RAB33A: variants seen among roughly 807,000 people sequenced by gnomAD.
RAB33A encodes ras-related protein Rab-33A.
Under a neutral mutation model 12.0 loss-of-function variants are expected in RAB33A, and 6 were observed. That is an observed-to-expected ratio of 0.50 (90% CI 0.27 to 0.99). The LOEUF (loss-of-function observed/expected upper bound fraction) is 0.99, where lower values mean the gene tolerates loss of function less well. RAB33A is among the 50% of genes least tolerant of loss of function. The pLI is 0.11. For missense variants in RAB33A, 109 were observed against 192.0 expected, an observed-to-expected ratio of 0.57 and a Z score of 2.55; for synonymous variants, 70 against 82.4, an observed-to-expected ratio of 0.85 and a Z score of 0.81.
chrX:130,173,661 G>T (rs1230395409), intron 1 of RAB33A, among the ~76,000 whole-genome samples: 1 of 111,918 alleles, frequency 8.9e-6, no homozygotes, highest in Non-Finnish European at 1.9e-5. Flanking sequence ...TTGAAATCGT[G>T]ATCTTTTTTG....
intron 1 of RAB33A, among the ~76,000 whole-genome samples, chrX:130,181,816 G>A (rs1202240014): frequency 4.6e-5 from 5 of 109,766 alleles, no homozygotes; most frequent in Admixed American, 2.0e-4. Flanking sequence ...GCATGGTGGC[G>A]CACGACTGTA....
At chrX:130,181,850 A>T (rs1156466157) in intron 1 of RAB33A, among the ~76,000 whole-genome samples, 1 of 110,052 alleles carries the variant, frequency 9.1e-6, no homozygotes, top group African/African-American at 3.3e-5. Context: ...AGAAGGCTGA[A>T]GTGGTAGAAT....
chrX:130,122,486 C>T, the RAB33A span, among the ~76,000 whole-genome samples: 1 of 112,595 alleles, frequency 8.9e-6, no homozygotes. Flanking sequence ...TTGCAAGCTT[C>T]CTGACTTGCT....
the RAB33A span, chrX:130,149,480 G>T: frequency 8.3e-7 from 1 of 1,207,146 alleles, no homozygotes; most frequent in African/African-American, 1.7e-5. Flanking sequence ...AGATAACGCG[G>T]CCTTTTTCTG....
At chrX:130,158,184 A>T in the RAB33A span, among the ~76,000 whole-genome samples, 3 of 110,999 alleles carry the variant, frequency 2.7e-5, no homozygotes, top group African/African-American at 9.8e-5. Context: ...GAATAGCTTG[A>T]ACCCAGGAGG....
At chrX:130,152,396 G>A in the RAB33A span, among the ~76,000 whole-genome samples, 1 of 111,442 alleles carries the variant, frequency 9.0e-6, no homozygotes, top group Non-Finnish European at 1.9e-5. Context: ...TCCCCCAAGG[G>A]TTTCTGTACT....
chrX:130,172,254 G>A lies in RAB33A; in HGVS notation c.192G>A (p.Lys64=), dbSNP rs1387135652. ...FRFCGGTFPD[K]TEATIGVDFR... ...TCTGCGGGGGTACCTTCCCAGACAA[G>A]ACTGAAGCCACCATCGGCGTGGACT... The change falls in exon 1 of 2, where the codon AAG becomes AAA. Residue 64 remains lysine (K), a synonymous_variant. Coordinates refer to ENST00000257017, the MANE Select transcript of RAB33A (RefSeq NM_004794.3). 8.2e-7 allele frequency: 1 copy of A among 1,212,217 alleles called. No homozygotes were observed. The highest frequency in any genetic ancestry group is 1.1e-6 in the Non-Finnish European group (1 of 895,549).
At chrX:130,140,977 G>C in the RAB33A span, among the ~76,000 whole-genome samples, 1 of 112,057 alleles carries the variant, frequency 8.9e-6, no homozygotes, top group Non-Finnish European at 1.9e-5. Flanking sequence ...TTGGCCAGGT[G>C]TGGCGGCATA....
At chrX:130,118,137 C>T in the RAB33A span, among the ~76,000 whole-genome samples, 1 of 112,337 alleles carries the variant, frequency 8.9e-6, no homozygotes, top group Non-Finnish European at 1.9e-5. Flanking sequence ...GTGAATGCCA[C>T]TGCCCGGAAG....
At chrX:130,166,090 G>T in the RAB33A span, among the ~76,000 whole-genome samples, 2 of 111,935 alleles carry the variant, frequency 1.8e-5, no homozygotes, top group African/African-American at 6.5e-5. Context: ...TTGGTGACGA[G>T]AACTGATAAC....
the RAB33A span, among the ~76,000 whole-genome samples, chrX:130,143,720 G>A: frequency 9.1e-6 from 1 of 110,220 alleles, no homozygotes; most frequent in Non-Finnish European, 1.9e-5. Flanking sequence ...AGCCAGGCAT[G>A]GTGGCGCATG....
chrX:130,117,017 T>C, the RAB33A span, among the ~76,000 whole-genome samples: 1 of 111,775 alleles, frequency 8.9e-6, no homozygotes, highest in South Asian at 3.7e-4. Context: ...ATCGAGACCA[T>C]CCTGGCTAAC....
At chrX:130,180,749 C>A (rs201466844) in intron 1 of RAB33A, among the ~76,000 whole-genome samples, 2 of 13 alleles carry the variant, frequency 0.15, no homozygotes, top group East Asian at 0.5. Flanking sequence ...AGCCACTGCG[C>A]CCTGGCCTCC....
chrX:130,115,870 T>G, the RAB33A span, among the ~76,000 whole-genome samples: 2 of 111,145 alleles, frequency 1.8e-5, no homozygotes, highest in Non-Finnish European at 3.8e-5. Flanking sequence ...ATAAAGCCAG[T>G]ACTCATTCTT....
At chrX:130,133,432 G>A in the RAB33A span, 1,526 of 1,206,988 alleles carry the variant, frequency 1.3e-3, 2 homozygotes, top group Non-Finnish European at 1.6e-3. Context: ...ACTTTATATC[G>A]TAGAAGCATG....
chrX:130,121,104 C>T, the RAB33A span, among the ~76,000 whole-genome samples: 2 of 112,539 alleles, frequency 1.8e-5, no homozygotes, highest in African/African-American at 6.4e-5. Context: ...GCGCTCTGAG[C>T]GGCCTCCTGC....
chrX:130,168,814 T>C (rs1315960408), upstream of RAB33A, among the ~76,000 whole-genome samples: 1 of 111,173 alleles, frequency 9.0e-6, no homozygotes, highest in East Asian at 2.8e-4. Flanking sequence ...TGGATAAATA[T>C]TGAAAATATG....
At chrX:130,165,814 CGG>C in the RAB33A span, 2 of 529,801 alleles carry the variant, frequency 3.8e-6, no homozygotes, top group African/African-American at 2.3e-5. Flanking sequence ...ACAGAGAAGC[CGG>C]CCTGCTAGAG....
At chrX:130,178,011 A>G (rs1001870660) in intron 1 of RAB33A, among the ~76,000 whole-genome samples, 2 of 112,059 alleles carry the variant, frequency 1.8e-5, no homozygotes, top group Non-Finnish European at 3.8e-5. Flanking sequence ...AGAAAGGAAC[A>G]CCTAACTCTC....
Sources: allele counts gnomAD v4.1 joint callset (sites outside exome capture counted in the v4.1 genomes callset), GRCh38; gene constraint gnomAD v4.1.1; transcripts MANE v1.5; gene names NCBI Gene and HGNC (gene_info 2026-07-23, HGNC 2026-07-21).